RIMS2: variants seen among roughly 807,000 people sequenced by gnomAD.
The protein encoded by RIMS2 is regulating synaptic membrane exocytosis 2, also known as regulating synaptic membrane exocytosis protein 2.
Under a neutral mutation model 174.4 loss-of-function variants are expected in RIMS2, and 59 were observed. The ratio of observed to expected loss-of-function variants is 0.34; its 90% CI spans 0.27 to 0.42. The LOEUF is 0.42. Ranked by LOEUF, RIMS2 falls within the 10% of genes least tolerant of loss-of-function variation. The probability of loss-of-function intolerance (pLI) is 1.00; values close to 1 mark genes in which losing one functional copy is unlikely to be tolerated. For missense variants in RIMS2, 1,620 were observed against 1,666.3 expected, an observed-to-expected ratio of 0.97 and a Z score of 0.48; for synonymous variants, 606 against 572.5, an observed-to-expected ratio of 1.06 and a Z score of -0.84.
intron 2 of RIMS2, among the ~76,000 whole-genome samples, chr8:103,749,375 G>A (rs1020904607): frequency 6.6e-6 from 1 of 152,146 alleles, no homozygotes; most frequent in Non-Finnish European, 1.5e-5. Context: ...GCCTCCCAAA[G>A]TGCTGGGATT....
At chr8:104,003,200 G>A (rs1293427067) in intron 17 of RIMS2, among the ~76,000 whole-genome samples, 1 of 152,114 alleles carries the variant, frequency 6.6e-6, no homozygotes, top group East Asian at 1.9e-4. Flanking sequence ...TATCATGGAA[G>A]ACACAACAAC....
intron 1 of RIMS2, among the ~76,000 whole-genome samples, chr8:103,620,969 C>CACA (rs2095620708): frequency 6.6e-6 from 1 of 151,978 alleles, no homozygotes; most frequent in Admixed American, 6.6e-5. Context: ...AACTTTTGAA[C>CACA]TATGTGACTA....
chr8:103,669,569 G>A (rs938524947), intron 1 of RIMS2, among the ~76,000 whole-genome samples: 27 of 152,172 alleles, frequency 1.8e-4, no homozygotes, highest in African/African-American at 6.5e-4. Context: ...AGATACAGTG[G>A]GAGTATAGGC....
At position 103,961,146 on chromosome 8, in the gene RIMS2, G is replaced by A. The variant is rs73699020; in HGVS notation, c.2770+13G>A. 5.6e-3 allele frequency: 6,669 copies of A among 1,197,492 alleles called. 268 individuals are homozygous for A. In the African/African-American group the frequency reaches 0.081, roughly 15 times the overall value. The allele number at this position is 1,197,492 out of a possible 1,614,324, so 74.2% of individuals were successfully genotyped here. ...GGTGTAGTATCAGGTAAGAATTTTA[G>A]AATTATTTTATAGTATTAAAAAGGG... On this transcript the variant is annotated intron_variant, in intron 15 of 23. Coordinates refer to ENST00000504942, the Ensembl canonical transcript of RIMS2.
intron 3 of RIMS2, among the ~76,000 whole-genome samples, chr8:103,843,180 T>C (rs2098950265): frequency 6.6e-6 from 1 of 152,212 alleles, no homozygotes; most frequent in African/African-American, 2.4e-5. Flanking sequence ...TAATTATTAA[T>C]CAAGGATAAA....
rs536738509 is a variant in RIMS2, at chr8:103,507,793, T to A, written c.176+6731T>A. On this transcript the variant is annotated intron_variant, in intron 1 of 23. Transcript: ENST00000504942. ...AGGGAAAATTTGGCTGTAAAAGTGATCCTTTAAGAGAATTGATACATTTCC... is the reference window on the plus strand; with the variant it reads ...AGGGAAAATTTGGCTGTAAAAGTGAACCTTTAAGAGAATTGATACATTTCC... Among the ~76,000 whole-genome samples, 17 of 152,186 alleles carry A rather than the reference T, an allele frequency of 1.1e-4. No homozygotes were observed. The South Asian group carries it at 2.7e-3, about 24-fold the overall frequency.
rs2097159196 is a variant in RIMS2 at position 103,700,873 on chromosome 8, T to G, written c.387+3577T>G. ...AACCTTCAACTGATATTACACTATT[T>G]CATGTGTATTATAAGAAGCTCACAG... is the stretch of plus-strand genomic sequence containing the variant. On this transcript the variant is annotated intron_variant, in intron 2 of 23. Transcript: ENST00000504942. Among the ~76,000 whole-genome samples, 4 of 152,214 alleles carry G rather than the reference T, an allele frequency of 2.6e-5. No homozygotes were observed. The South Asian group carries it at 8.3e-4, about 32-fold the overall frequency.
At chr8:103,799,177 CAA>C (rs940338861) in intron 3 of RIMS2, among the ~76,000 whole-genome samples, 5 of 152,068 alleles carry the variant, frequency 3.3e-5, no homozygotes, top group African/African-American at 1.2e-4. Context: ...TCAGAACCTC[CAA>C]AAAGAGACTC....
chr8:104,114,806 T>A (rs1441693783), intron 19 of RIMS2, among the ~76,000 whole-genome samples: 1 of 151,992 alleles, frequency 6.6e-6, no homozygotes, highest in East Asian at 1.9e-4. Context: ...TTTTATTCAA[T>A]TTTTATAATC....
chr8:104,253,974 T>A (rs1312473317), downstream of RIMS2: 1 of 152,200 alleles, frequency 6.6e-6, no homozygotes, highest in East Asian at 1.9e-4. Context: ...AATAAAACTT[T>A]ATTAAAATAA....
intron 2 of RIMS2, among the ~76,000 whole-genome samples, chr8:103,733,441 A>C (rs147035323): frequency 6.6e-6 from 1 of 151,956 alleles, no homozygotes; most frequent in Non-Finnish European, 1.5e-5. Context: ...ACTTGGTTGC[A>C]TGTTCCCAAG....
At chr8:104,233,866 C>A (rs755406114) in intron 19 of RIMS2, among the ~76,000 whole-genome samples, 3 of 152,162 alleles carry the variant, frequency 2.0e-5, no homozygotes, top group Non-Finnish European at 2.9e-5. Context: ...TAGTTTCTAG[C>A]CTCTGTGCCC....
chr8:103,524,984 A>T (rs1833289084), intron 1 of RIMS2, among the ~76,000 whole-genome samples: 1 of 152,210 alleles, frequency 6.6e-6, no homozygotes, highest in East Asian at 1.9e-4. Context: ...CCAGTGGCAG[A>T]ACATAATTGG....
intron 3 of RIMS2, among the ~76,000 whole-genome samples, chr8:103,858,756 CACAT>C (rs1432626867): frequency 2.7e-5 from 4 of 150,806 alleles, no homozygotes; most frequent in Admixed American, 1.3e-4. Flanking sequence ...CACACACACA[CACAT>C]ATATGGGATT....
rs1195564716 is a variant in RIMS2 at position 103,910,382 on chromosome 8, C to A, written c.1692+181C>A. The A allele has an allele frequency of 5.6e-6, 9 of 1,597,522 alleles. No individual in the cohort carries two copies. In the East Asian group the frequency reaches 1.8e-4, roughly 32 times the overall value. ...AGGCAGTTTTGTCGGACTCTAACAC[C>A]AGGTCTGAGAGACAAAAGGAAATGA... On this transcript the variant is annotated intron_variant, in intron 5 of 23. Coordinates refer to ENST00000504942, the Ensembl canonical transcript of RIMS2.
At chr8:103,725,255 A>G (rs1403151242) in intron 2 of RIMS2, among the ~76,000 whole-genome samples, 1 of 152,172 alleles carries the variant, frequency 6.6e-6, no homozygotes, top group African/African-American at 2.4e-5. Context: ...TGTACATAAT[A>G]AGATGCACAG....
intron 1 of RIMS2, among the ~76,000 whole-genome samples, chr8:103,614,665 CCCT>C (rs1328034586): frequency 6.6e-6 from 1 of 152,212 alleles, no homozygotes; most frequent in Non-Finnish European, 1.5e-5. Context: ...AGTACAGCAA[CCCT>C]CCTTTCTACT....
chr8:103,812,331 G>GTTTTTTTTTTTTTTTTTTTT lies in RIMS2; in HGVS notation c.698+45798_698+45817dup, dbSNP rs71575985. ...GGTCAAATTATTACCTTATTACCTT[G>GTTTTTTTTTTTTTTTTTTTT]TTTTTTTTTTTTTTTTTTTTTTTGT... On this transcript the variant is annotated intron_variant, in intron 3 of 23. Transcript: ENST00000504942. 8.7e-4 allele frequency among the ~76,000 whole-genome samples: 97 copies of GTTTTTTTTTTTTTTTTTTTT among 111,608 alleles called. 3 individuals are homozygous for GTTTTTTTTTTTTTTTTTTTT. The highest frequency in any genetic ancestry group is 2.1e-3 in the East Asian group (5 of 2,340). 73.2% of individuals were successfully genotyped at this position (111,608 alleles called of 152,430 possible).
intron 2 of RIMS2, among the ~76,000 whole-genome samples, chr8:103,721,609 T>C (rs1230820633): frequency 6.6e-6 from 1 of 152,224 alleles, no homozygotes; most frequent in Non-Finnish European, 1.5e-5. Context: ...ACCTAACTTC[T>C]TGTGAGCAGG....
Sources: gnomAD v4.1 joint callset for allele counts (sites outside exome capture counted in the v4.1 genomes callset) on GRCh38, gnomAD v4.1.1 for gene constraint, MANE v1.5 for transcripts, NCBI Gene and HGNC (gene_info 2026-07-23, HGNC 2026-07-21) for gene names.